ACER3: variants seen among roughly 807,000 people sequenced by gnomAD.
ACER3 encodes alkaline ceramidase 3, also known as alkCDase 3.
In ACER3, 16 loss-of-function variants were observed where a neutral mutation model predicts 48.9. The observed-to-expected ratio is 0.33, with a 90% CI of 0.22 to 0.50. The LOEUF is 0.50. ACER3 is among the 20% of genes least tolerant of loss of function. The pLI is 0.98. For synonymous variants in ACER3, 109 were observed against 107.8 expected (o/e 1.01, Z -0.07); for missense variants, 227 against 326.0 (o/e 0.70, Z 2.34).
intron 6 of ACER3, among the ~76,000 whole-genome samples, chr11:76,993,880 G>A (rs1231322629): frequency 1.3e-5 from 2 of 152,202 alleles, no homozygotes; most frequent in African/African-American, 2.4e-5. Context: ...ATGCTCACTT[G>A]CCTGCAGCTC....
At chr11:77,007,300 C>T (rs1371588453) in intron 7 of ACER3, among the ~76,000 whole-genome samples, 3 of 152,030 alleles carry the variant, frequency 2.0e-5, no homozygotes, top group African/African-American at 7.2e-5. Flanking sequence ...TCTCTTCCTC[C>T]TCTCCTTCTG....
At chr11:76,884,329 A>C (rs1945618296) in intron 1 of ACER3, among the ~76,000 whole-genome samples, 1 of 152,030 alleles carries the variant, frequency 6.6e-6, no homozygotes, top group Admixed American at 6.6e-5. Context: ...CAGAGATCAC[A>C]TTGCTCTGCT....
intron 2 of ACER3, among the ~76,000 whole-genome samples, chr11:76,950,364 T>TGTA (rs1947617092): frequency 7.3e-5 from 1 of 13,676 alleles, no homozygotes; most frequent in South Asian, 2.6e-3. Flanking sequence ...TATATATATA[T>TGTA]ATATATATAT....
intron 1 of ACER3, among the ~76,000 whole-genome samples, chr11:76,888,999 A>G (rs755836864): frequency 2.4e-4 from 37 of 152,320 alleles, no homozygotes; most frequent in East Asian, 1.9e-4. Context: ...AACCAGGTCA[A>G]TAAAGGCCAG....
chr11:76,936,718 TTTC>T (rs770833368), intron 2 of ACER3, among the ~76,000 whole-genome samples: 34 of 103,922 alleles, frequency 3.3e-4, no homozygotes, highest in Middle Eastern at 5.2e-3. Context: ...TCTTTCTTTC[TTTC>T]TTTTTTTTTT....
intron 1 of ACER3, among the ~76,000 whole-genome samples, chr11:76,905,158 G>A (rs1946192511): frequency 6.6e-6 from 1 of 152,028 alleles, no homozygotes; most frequent in East Asian, 1.9e-4. Context: ...GGCCATGTGT[G>A]TGTATTTTTT....
intron 2 of ACER3, chr11:76,957,439 TG>T: frequency 6.6e-6 from 3 of 452,548 alleles, no homozygotes; most frequent in Non-Finnish European, 1.3e-5. Context: ...TTTAACTTTT[TG>T]TGTGTGTGTT....
intron 3 of ACER3, among the ~76,000 whole-genome samples, chr11:76,961,970 A>G (rs956092062): frequency 6.6e-6 from 1 of 150,568 alleles, no homozygotes; most frequent in Non-Finnish European, 1.5e-5. Context: ...AATCATCACT[A>G]ATGGGACAAA....
chr11:76,861,096 G>T lies in ACER3; in HGVS notation c.103+17G>T. 1 of 1,536,310 alleles carries T rather than the reference G, an allele frequency of 6.5e-7. No individual in the cohort carries two copies. Among genetic ancestry groups the T allele is most frequent in the Non-Finnish European group, 8.8e-7 (1 of 1,139,474 alleles). ...CCGAGTTCTGTGAGTGTGGCCTGAG[G>T]AGGGGAGTGGGGGCGAGAGGGCACC... On this transcript the variant is annotated intron_variant, in intron 1 of 10. Transcript: ENST00000532485.
chr11:76,972,001 C>T (rs1478722964), intron 3 of ACER3, among the ~76,000 whole-genome samples: 2 of 152,158 alleles, frequency 1.3e-5, no homozygotes, highest in Non-Finnish European at 2.9e-5. Context: ...GAAAAGACAG[C>T]TTTTTAGCTA....
Position 77,019,631 on chromosome 11 carries a change from T to C in ACER3, c.705-100T>C, listed in dbSNP as rs561729317. 3.5e-6 allele frequency: 4 copies of C among 1,146,844 alleles called. No individual in the cohort carries two copies. The African/African-American group carries it at 6.1e-5, about 18-fold the overall frequency. 71.0% of individuals were successfully genotyped at this position (1,146,844 alleles called of 1,614,324 possible). Reference sequence around the variant, plus strand: ...AGCATATACTCATGTTGTTTTTGCTTCGTACATGCAGAAGCACTATGGTTA... The same window carrying C: ...AGCATATACTCATGTTGTTTTTGCTCCGTACATGCAGAAGCACTATGGTTA... On this transcript the variant is annotated intron_variant, in intron 9 of 10. Coordinates refer to ENST00000532485, the MANE Select transcript of ACER3 (RefSeq NM_018367.7).
chr11:76,872,905 C>CTTTTTTTTTTTTTTT lies in ACER3; in HGVS notation c.103+11831_103+11832insTTTTTTTTTTTTTTT, dbSNP rs756362938. Reference sequence around the variant, plus strand: ...TCTTTTCTTTCTTTCTTTCTTTTTTCTTTTTCTTTTTTTTTTTTTTTTTTG... The same window carrying CTTTTTTTTTTTTTTT: ...TCTTTTCTTTCTTTCTTTCTTTTTTCTTTTTTTTTTTTTTTTTTTTCTTTTTTTTTTTTTTTTTTG... On this transcript the variant is annotated intron_variant, in intron 1 of 10. Coordinates refer to ENST00000532485, the MANE Select transcript of ACER3 (RefSeq NM_018367.7). Among the ~76,000 whole-genome samples, 89 of 94,564 alleles carry CTTTTTTTTTTTTTTT rather than the reference C, an allele frequency of 9.4e-4. 6 individuals carry two copies. The highest frequency in any genetic ancestry group is 1.2e-3 in the Non-Finnish European group (57 of 47,378). 62.0% of individuals were successfully genotyped at this position (94,564 alleles called of 152,430 possible). A position where few individuals can be genotyped will look rare whatever the true frequency, so the allele number is the denominator to read the frequency against.
intron 1 of ACER3, among the ~76,000 whole-genome samples, chr11:76,900,947 T>C (rs1000751830): frequency 7.2e-5 from 11 of 152,248 alleles, no homozygotes; most frequent in Non-Finnish European, 1.3e-4. Flanking sequence ...TGTGAAGTCA[T>C]GTGTACAACA....
intron 1 of ACER3, among the ~76,000 whole-genome samples, chr11:76,923,047 A>C (rs1210656559): frequency 6.6e-6 from 1 of 152,068 alleles, no homozygotes; most frequent in Non-Finnish European, 1.5e-5. Context: ...AAATTTAAAA[A>C]TCTAGATAAT....
chr11:76,868,944 C>T (rs1035228166), intron 1 of ACER3, among the ~76,000 whole-genome samples: 1 of 152,242 alleles, frequency 6.6e-6, no homozygotes, highest in African/African-American at 2.4e-5. Flanking sequence ...ACAGAACCTC[C>T]TGTGCTCAGG....
At chr11:76,996,719 C>CTTTT (rs36108857) in intron 6 of ACER3, among the ~76,000 whole-genome samples, 13 of 138,768 alleles carry the variant, frequency 9.4e-5, no homozygotes, top group African/African-American at 3.0e-4. Context: ...CCCACCCAGC[C>CTTTT]TTTTTTTTTT....
intron 7 of ACER3, among the ~76,000 whole-genome samples, chr11:77,002,542 T>A (rs782814561): frequency 1.2e-4 from 19 of 152,202 alleles, no homozygotes; most frequent in Admixed American, 6.5e-4. Context: ...ATGGAGGATA[T>A]TGGTTTGTAG....
intron 1 of ACER3, among the ~76,000 whole-genome samples, chr11:76,915,499 AAAC>A (rs1465924025): frequency 6.6e-6 from 1 of 151,914 alleles, no homozygotes; most frequent in Non-Finnish European, 1.5e-5. Flanking sequence ...GACCATCCGG[AAAC>A]AACCTCTCCC....
chr11:76,924,677 A>G (rs1170814976), intron 1 of ACER3, among the ~76,000 whole-genome samples: 1 of 152,144 alleles, frequency 6.6e-6, no homozygotes, highest in African/African-American at 2.4e-5. Flanking sequence ...TTTTCTCAAT[A>G]AAGTCAGAGC....
Sources: allele counts gnomAD v4.1 joint callset (sites outside exome capture counted in the v4.1 genomes callset), GRCh38; gene constraint gnomAD v4.1.1; transcripts MANE v1.5; gene names NCBI Gene and HGNC (gene_info 2026-07-23, HGNC 2026-07-21).